The following LRFN2 variants were observed in gnomAD, a reference collection of about 807,000 sequenced individuals.
LRFN2 encodes the protein leucine-rich repeat and fibronectin type-III domain-containing protein 2.
LRFN2 carries 18 observed loss-of-function variants against 37.3 expected under a neutral mutation model. That is an observed-to-expected ratio of 0.48 (90% CI 0.33 to 0.72). LRFN2 has a LOEUF of 0.72. Ranked by LOEUF, LRFN2 falls within the 30% of genes least tolerant of loss-of-function variation. LRFN2 has a pLI of 0.02. For missense variants in LRFN2, 1,006 were observed against 1,060.7 expected (o/e 0.95, Z 0.72); for synonymous variants, 556 against 466.6 (o/e 1.19, Z -2.47).
chr6:40,435,499 A>C (rs1763645613), intron 1 of LRFN2, among the ~76,000 whole-genome samples: 1 of 151,790 alleles, frequency 6.6e-6, no homozygotes, highest in Admixed American at 6.6e-5. Flanking sequence ...TCCCAGTTTG[A>C]GGAGCACAGA....
intron 1 of LRFN2, chr6:40,516,224 ACAGT>A (rs1765868142): frequency 6.6e-6 from 1 of 152,236 alleles, no homozygotes; most frequent in African/African-American, 2.4e-5. Context: ...GTGACTCAGC[ACAGT>A]CTAAGCCTCA....
At chr6:40,562,327 C>T (rs1049484832) in intron 1 of LRFN2, among the ~76,000 whole-genome samples, 1 of 151,982 alleles carries the variant, frequency 6.6e-6, no homozygotes, top group African/African-American at 2.4e-5. Flanking sequence ...GCCTAAGGAC[C>T]ACAGAGGAGG....
At chr6:40,577,666 G>A (rs954244542) in intron 1 of LRFN2, among the ~76,000 whole-genome samples, 2 of 131,930 alleles carry the variant, frequency 1.5e-5, no homozygotes, top group Non-Finnish European at 3.2e-5. Flanking sequence ...TCCCACCTAT[G>A]AGTGAGAATA....
chr6:40,408,524 A>T (rs999020311), intron 2 of LRFN2, among the ~76,000 whole-genome samples: 2 of 152,190 alleles, frequency 1.3e-5, no homozygotes, highest in African/African-American at 4.8e-5. Context: ...TCCAGAGCAG[A>T]AGTTGGCAGG....
intron 2 of LRFN2, among the ~76,000 whole-genome samples, chr6:40,399,315 C>T (rs994627470): frequency 1.3e-5 from 2 of 151,604 alleles, no homozygotes; most frequent in African/African-American, 4.8e-5. Flanking sequence ...CACTGTCCTG[C>T]CCCCCACCCA....
chr6:40,398,602 G>A (rs530501206), intron 2 of LRFN2, among the ~76,000 whole-genome samples: 1 of 151,778 alleles, frequency 6.6e-6, no homozygotes, highest in Admixed American at 6.6e-5. Flanking sequence ...CTGAAATCCT[G>A]AGAGATTTCT....
At chr6:40,472,708 T>G (rs1268879062) in intron 1 of LRFN2, among the ~76,000 whole-genome samples, 1 of 152,206 alleles carries the variant, frequency 6.6e-6, no homozygotes, top group African/African-American at 2.4e-5. Flanking sequence ...GACCTGACTC[T>G]GAGCAGCATT....
At chr6:40,435,034 T>TAG (rs1763613199) in intron 1 of LRFN2, among the ~76,000 whole-genome samples, 1 of 93,050 alleles carries the variant, frequency 1.1e-5, no homozygotes, top group African/African-American at 4.3e-5. Flanking sequence ...TATATATATA[T>TAG]ATATATATAT....
intron 1 of LRFN2, among the ~76,000 whole-genome samples, chr6:40,490,216 T>A (rs1475023127): frequency 2.0e-5 from 3 of 152,172 alleles, no homozygotes; most frequent in Non-Finnish European, 2.9e-5. Flanking sequence ...CAGATTGGAG[T>A]ACAAGTGGGG....
At chr6:40,456,646 G>T (rs563557893) in intron 1 of LRFN2, among the ~76,000 whole-genome samples, 9 of 152,224 alleles carry the variant, frequency 5.9e-5, no homozygotes, top group African/African-American at 2.2e-4. Context: ...TAAGATCCCT[G>T]AAGGGAATAT....
At chr6:40,430,795 G>A (rs910418869) in intron 2 of LRFN2, among the ~76,000 whole-genome samples, 5 of 152,156 alleles carry the variant, frequency 3.3e-5, no homozygotes, top group African/African-American at 9.7e-5. Context: ...GAGGGCTGAT[G>A]CTACCTGTAA....
intron 2 of LRFN2, among the ~76,000 whole-genome samples, chr6:40,417,807 T>A (rs1763130244): frequency 6.6e-6 from 1 of 152,144 alleles, no homozygotes; most frequent in Admixed American, 6.6e-5. Flanking sequence ...CCTAATCTCC[T>A]CCTGCCCCAA....
chr6:40,420,271 T>A (rs1334003914), intron 2 of LRFN2, among the ~76,000 whole-genome samples: 1 of 152,252 alleles, frequency 6.6e-6, no homozygotes, highest in Admixed American at 6.5e-5. Context: ...CTGCCCCACC[T>A]CTGAGACCCT....
intron 1 of LRFN2, among the ~76,000 whole-genome samples, chr6:40,467,217 G>A (rs999820552): frequency 8.6e-5 from 13 of 151,638 alleles, no homozygotes; most frequent in Non-Finnish European, 1.6e-4. Flanking sequence ...ATGTGTGTGT[G>A]TGTGTTTCAA....
chr6:40,473,910 G>T lies in LRFN2; in HGVS notation c.-18-40779C>A, dbSNP rs150223424. Among the ~76,000 whole-genome samples the T allele has an allele frequency of 2.9e-3, 444 of 152,232 alleles. 2 individuals carry two copies. The highest frequency in any genetic ancestry group is 0.01 in the African/African-American group (421 of 41,542). On this transcript the variant is annotated intron_variant, in intron 1 of 2. Transcript: ENST00000338305. Reference sequence around the variant, plus strand: ...AGGGATACATAACTAAAAACTGGCCGCCTGGACCCACCATGCCCTTAACCA... The same window carrying T: ...AGGGATACATAACTAAAAACTGGCCTCCTGGACCCACCATGCCCTTAACCA...
chr6:40,555,921 T>G (rs1766866933), intron 1 of LRFN2, among the ~76,000 whole-genome samples: 1 of 152,196 alleles, frequency 6.6e-6, no homozygotes, highest in Non-Finnish European at 1.5e-5. Flanking sequence ...GTACTAAATC[T>G]TCCTTCTTTG....
At chr6:40,400,698 G>A (rs1415321474) in intron 2 of LRFN2, among the ~76,000 whole-genome samples, 1 of 151,840 alleles carries the variant, frequency 6.6e-6, no homozygotes, top group African/African-American at 2.4e-5. Context: ...TGGGATTACA[G>A]GCATGAGCCA....
intron 1 of LRFN2, among the ~76,000 whole-genome samples, chr6:40,490,943 C>T (rs1765078356): frequency 6.6e-6 from 1 of 152,116 alleles, no homozygotes; most frequent in African/African-American, 2.4e-5. Context: ...GATATATGGG[C>T]CTCACCTGTA....
chr6:40,545,611 G>A lies in LRFN2; in HGVS notation c.-19+41330C>T, dbSNP rs1206158295. ...CAGGCAGAGGAAGAGGAAGAGGGGA[G>A]GTCAGGAAGGTTGGGGAGAGATGAA... On this transcript the variant is annotated intron_variant, in intron 1 of 2. Transcript: ENST00000338305. Among the ~76,000 whole-genome samples the A allele has an allele frequency of 2.0e-5, 3 of 152,142 alleles. No individual in the cohort carries two copies. In the East Asian group the frequency reaches 5.8e-4, roughly 29 times the overall value.
Sources: gnomAD v4.1 joint callset for allele counts (sites outside exome capture counted in the v4.1 genomes callset) on GRCh38, gnomAD v4.1.1 for gene constraint, MANE v1.5 for transcripts, NCBI Gene and HGNC (gene_info 2026-07-23, HGNC 2026-07-21) for gene names.